Variants in PRICKLE2 observed in about 807,000 individuals in gnomAD.
PRICKLE2 encodes prickle planar cell polarity protein 2.
A neutral mutation model predicts 81.4 loss-of-function variants in PRICKLE2; 21 were observed. That is an observed-to-expected ratio of 0.26 (90% confidence interval 0.18 to 0.37). PRICKLE2 has a LOEUF of 0.37. Among genes scored for constraint, PRICKLE2 ranks in the 10% least tolerant of loss-of-function variants. The probability of loss-of-function intolerance (pLI) is 1.00; values close to 1 mark genes in which losing one functional copy is unlikely to be tolerated. For missense variants in PRICKLE2, 940 were observed against 1,109.0 expected (o/e 0.85, Z 2.16); for synonymous variants, 456 against 421.5 (o/e 1.08, Z -1.00).
At chr3:64,250,081 G>A (rs1473581105) in intron 2 of PRICKLE2, among the ~76,000 whole-genome samples, 1 of 152,042 alleles carries the variant, frequency 6.6e-6, no homozygotes, top group African/African-American at 2.4e-5. Context: ...AGCAAGCACT[G>A]GTCTCACCTC....
At position 64,198,018 on chromosome 3, in the gene PRICKLE2, T is replaced by C. The variant is rs1031307775; in HGVS notation, c.144+766A>G. Among the ~76,000 whole-genome samples, 3 of 151,962 alleles carry C rather than the reference T, an allele frequency of 2.0e-5. No homozygotes were observed. The East Asian group carries it at 5.8e-4, about 30-fold the overall frequency. The stretch of plus-strand genomic sequence containing the variant: ...CGAGGTCAGGAGATCGAGACCATCC[T>C]GGCTATCATGGTGAAACCCCATCTC... On this transcript the variant is annotated intron_variant, in intron 2 of 7. Transcript: ENST00000638394.
At chr3:64,156,677 T>A (rs1032859237) in intron 5 of PRICKLE2, among the ~76,000 whole-genome samples, 1 of 152,194 alleles carries the variant, frequency 6.6e-6, no homozygotes, top group African/African-American at 2.4e-5. Flanking sequence ...AATTTTTTTT[T>A]CACTCAGAAC....
At chr3:64,203,562 C>G (rs967039710) in intron 1 of PRICKLE2, among the ~76,000 whole-genome samples, 3 of 151,890 alleles carry the variant, frequency 2.0e-5, no homozygotes, top group African/African-American at 7.3e-5. Flanking sequence ...ACACTAATGC[C>G]GGATGGACAT....
chr3:64,193,022 T>TAC (rs1283598406), intron 2 of PRICKLE2, among the ~76,000 whole-genome samples: 1 of 152,106 alleles, frequency 6.6e-6, no homozygotes, highest in Non-Finnish European at 1.5e-5. Context: ...CCACAAGACA[T>TAC]ACCAGTTATG....
intron 2 of PRICKLE2, among the ~76,000 whole-genome samples, chr3:64,165,963 GGTGTGTGTGTGTGTGTGTGTGTGT>G (rs67554015): frequency 1.3e-4 from 8 of 61,874 alleles, no homozygotes; most frequent in African/African-American, 3.5e-4. Context: ...CTGTTATAAA[GGTGTGTGTGTGTGTGTGTGTGTGT>G]GTGTGTGTGT....
intron 5 of PRICKLE2, among the ~76,000 whole-genome samples, chr3:64,156,346 G>C (rs2077634977): frequency 6.6e-6 from 1 of 152,172 alleles, no homozygotes; most frequent in South Asian, 2.1e-4. Context: ...TGAAAAAGGG[G>C]AGTGTTACTT....
At chr3:64,221,390 CAA>C (rs1173674483) in intron 1 of PRICKLE2, among the ~76,000 whole-genome samples, 4 of 151,330 alleles carry the variant, frequency 2.6e-5, no homozygotes, top group African/African-American at 7.3e-5. Context: ...ACTCAATCCC[CAA>C]AAGAGATCTT....
chr3:64,182,625 C>T lies in PRICKLE2; in HGVS notation c.144+16159G>A, dbSNP rs73124899. 2 of 152,042 alleles carry T rather than the reference C, an allele frequency of 1.3e-5. 1 individual carries two copies. Among genetic ancestry groups the T allele is most frequent in the Middle Eastern group, 6.3e-3 (2 of 316 alleles). 9.4% of individuals were successfully genotyped at this position (152,042 alleles called of 1,614,324 possible). A position where few individuals can be genotyped will look rare whatever the true frequency, so the allele number is the denominator to read the frequency against. On this transcript the variant is annotated intron_variant, in intron 2 of 7. Coordinates refer to ENST00000638394, the MANE Select transcript of PRICKLE2 (RefSeq NM_198859.4). ...TGAGGATGCAGCAAGAAAGCCCTCA[C>T]CAGATGCTGGTGCCTTGATCCTGAA...
intron 7 of PRICKLE2, among the ~76,000 whole-genome samples, chr3:64,121,327 A>G (rs745514740): frequency 2.0e-5 from 3 of 152,166 alleles, no homozygotes; most frequent in Non-Finnish European, 1.5e-5. Flanking sequence ...TGCAGTAGGA[A>G]TTTTCAGAAA....
intron 7 of PRICKLE2, among the ~76,000 whole-genome samples, chr3:64,137,833 C>T (rs939752648): frequency 2.6e-5 from 4 of 152,168 alleles, no homozygotes; most frequent in Admixed American, 2.0e-4. Context: ...GAAATGCCAA[C>T]AACAGGGCAC....
intron 2 of PRICKLE2, chr3:64,187,663 C>G (rs2078260445): frequency 6.6e-6 from 1 of 152,222 alleles, no homozygotes; most frequent in Non-Finnish European, 1.5e-5. Flanking sequence ...TTGTGCATTC[C>G]TTTCCTATAA....
intron 7 of PRICKLE2, among the ~76,000 whole-genome samples, chr3:64,141,544 G>A (rs2077362521): frequency 6.6e-6 from 1 of 152,242 alleles, no homozygotes; most frequent in Admixed American, 6.5e-5. Flanking sequence ...ATGTTTAGGG[G>A]CTGGCAAAGT....
At chr3:64,236,542 C>T (rs972721223) in intron 2 of PRICKLE2, among the ~76,000 whole-genome samples, 9 of 152,192 alleles carry the variant, frequency 5.9e-5, no homozygotes, top group Admixed American at 5.2e-4. Context: ...GCTTACATAT[C>T]CCTCAAACCA....
chr3:64,132,303 C>T (rs1036830567), intron 7 of PRICKLE2, among the ~76,000 whole-genome samples: 2 of 152,160 alleles, frequency 1.3e-5, no homozygotes, highest in Non-Finnish European at 2.9e-5. Context: ...CCCTACTCTG[C>T]CCTGAATGGC....
chr3:64,245,554 C>T (rs937764458), intron 2 of PRICKLE2, among the ~76,000 whole-genome samples: 2 of 152,120 alleles, frequency 1.3e-5, no homozygotes, highest in Non-Finnish European at 2.9e-5. Context: ...GAAGAGGTGA[C>T]GTGTGTTGCA....
chr3:64,119,675 C>T (rs2076995547), intron 7 of PRICKLE2, among the ~76,000 whole-genome samples: 1 of 152,126 alleles, frequency 6.6e-6, no homozygotes, highest in South Asian at 2.1e-4. Flanking sequence ...TTAAACCAAA[C>T]TACCATTCAA....
intron 4 of PRICKLE2, 31 bp downstream of exon 4, chr3:64,159,909 T>G (rs1440415689): frequency 1.2e-6 from 2 of 1,613,670 alleles, no homozygotes; most frequent in South Asian, 2.2e-5. Context: ...GCCAGAACAA[T>G]GCCTCTTCAC....
rs1277522148 is a variant in PRICKLE2, at chr3:64,099,899, G to A, written c.1687C>T (p.Arg563Cys). The A allele has an allele frequency of 3.7e-6, 6 of 1,614,052 alleles. No individual in the cohort carries two copies. The highest frequency in any genetic ancestry group is 3.3e-5 in the Admixed American group (2 of 60,006). Residue 563 changes from arginine to cysteine, a missense_variant, in exon 8 of 8, where the codon CGC (arginine) becomes TGC (cysteine). Coordinates refer to ENST00000638394, the MANE Select transcript of PRICKLE2 (RefSeq NM_198859.4). The surrounding 1 kb of genome is among the most constrained non-coding windows in gnomAD (Gnocchi z 4.3). ...TGLSADGGAK[R>C]QEHLSRFSMP... ...GAAAATCGGGATAGGTGCTCCTGGC[G>A]CTTGGCACCACCATCAGCAGAGAGG...
chr3:64,127,852 T>C, intron 7 of PRICKLE2, among the ~76,000 whole-genome samples: 1 of 152,060 alleles, frequency 6.6e-6, no homozygotes, highest in East Asian at 1.9e-4. Flanking sequence ...TTTTGTGATT[T>C]TGGATCTCCC....
Sources: gnomAD v4.1 joint callset for allele counts (sites outside exome capture counted in the v4.1 genomes callset) on GRCh38, gnomAD v4.1.1 for gene constraint, Gnocchi (gnomAD v3.1) non-coding constraint, MANE v1.5 for transcripts, NCBI Gene and HGNC (gene_info 2026-07-23, HGNC 2026-07-21) for gene names.